Variants in FRMD4A observed in about 807,000 individuals in gnomAD.
The protein encoded by FRMD4A is FERM domain containing 4A, also known as FERM domain-containing protein 4A.
A neutral mutation model predicts 129.1 loss-of-function variants in FRMD4A; 29 were observed. That is an observed-to-expected ratio of 0.22 (90% CI 0.17 to 0.31). The LOEUF (loss-of-function observed/expected upper bound fraction) is 0.31, where lower values mean the gene tolerates loss of function less well. Ranked by LOEUF, FRMD4A falls within the 10% of genes least tolerant of loss-of-function variation. The probability of loss-of-function intolerance (pLI) is 1.00; values close to 1 mark genes in which losing one functional copy is unlikely to be tolerated. For synonymous variants in FRMD4A, 634 were observed against 571.6 expected (o/e 1.11, Z -1.56); for missense variants, 1,272 against 1,375.8 (o/e 0.92, Z 1.19).
intron 2 of FRMD4A, among the ~76,000 whole-genome samples, chr10:14,230,845 C>T (rs1240380534): frequency 1.3e-5 from 2 of 152,170 alleles, no homozygotes; most frequent in Non-Finnish European, 2.9e-5. Flanking sequence ...CATGCTTGTT[C>T]AATGTTTGAC....
At chr10:14,064,251 T>C (rs906269481) in intron 2 of FRMD4A, among the ~76,000 whole-genome samples, 1 of 152,358 alleles carries the variant, frequency 6.6e-6, no homozygotes, top group African/African-American at 2.4e-5. Context: ...TTTATATTGA[T>C]GTTTTCCGTA....
At chr10:14,061,852 A>C (rs1834831100) in intron 2 of FRMD4A, among the ~76,000 whole-genome samples, 1 of 152,214 alleles carries the variant, frequency 6.6e-6, no homozygotes, top group African/African-American at 2.4e-5. Context: ...AGGAGAAAAG[A>C]CTTTATGTTT....
chr10:13,657,270 C>T lies in FRMD4A; in HGVS notation c.2319G>A (p.Glu773=). ...QMNANYSTLA[E]DSPSKARQRQ... is the part of the protein sequence containing the mutation. ...TCTGGCGCGCCTTGGACGGCGAGTCCTCGGCCAGCGTGGAGTAGTTGGCGT... is the reference window on the plus strand; with the variant it reads ...TCTGGCGCGCCTTGGACGGCGAGTCTTCGGCCAGCGTGGAGTAGTTGGCGT... Residue 773 remains glutamate, a synonymous_variant, in exon 22 of 25, where the codon GAG becomes GAA. Transcript: ENST00000357447. 1 of 1,603,268 alleles carries T rather than the reference C, an allele frequency of 6.2e-7. No individual in the cohort carries two copies. Among genetic ancestry groups the T allele is most frequent in the Non-Finnish European group, 8.5e-7 (1 of 1,177,512 alleles).
chr10:14,026,322 C>T (rs746019771), intron 2 of FRMD4A, among the ~76,000 whole-genome samples: 8 of 152,138 alleles, frequency 5.3e-5, no homozygotes, highest in Non-Finnish European at 1.2e-4. Flanking sequence ...CACACTTAAA[C>T]AAAGCTACCA....
At chr10:14,283,811 G>A (rs1039916010) in intron 2 of FRMD4A, among the ~76,000 whole-genome samples, 1 of 152,212 alleles carries the variant, frequency 6.6e-6, no homozygotes, top group African/African-American at 2.4e-5. Flanking sequence ...ACCTCTCTGA[G>A]AATAATAATA....
intron 2 of FRMD4A, among the ~76,000 whole-genome samples, chr10:13,956,706 G>A (rs1397875440): frequency 3.9e-5 from 6 of 152,126 alleles, no homozygotes; most frequent in East Asian, 1.9e-4. Flanking sequence ...TTTTCTGAGC[G>A]GCAGAGAAAA....
chr10:14,095,178 C>T (rs923303361), intron 2 of FRMD4A, among the ~76,000 whole-genome samples: 2 of 152,152 alleles, frequency 1.3e-5, no homozygotes, highest in African/African-American at 4.8e-5. Context: ...CTAAATGAGG[C>T]CGAAATAAAA....
intron 5 of FRMD4A, among the ~76,000 whole-genome samples, chr10:13,788,925 C>T (rs2092930983): frequency 6.6e-6 from 1 of 152,230 alleles, no homozygotes; most frequent in Non-Finnish European, 1.5e-5. Context: ...AGCCAGGTCT[C>T]CTCCTCCATT....
At chr10:13,809,399 T>G (rs1405156128) in intron 4 of FRMD4A, among the ~76,000 whole-genome samples, 1 of 152,206 alleles carries the variant, frequency 6.6e-6, no homozygotes, top group African/African-American at 2.4e-5. Context: ...TCCTTCTGAT[T>G]AGTGAAAATA....
chr10:14,226,998 A>G (rs1242728921), intron 2 of FRMD4A, among the ~76,000 whole-genome samples: 2 of 152,040 alleles, frequency 1.3e-5, no homozygotes, highest in African/African-American at 2.4e-5. Context: ...TCCTTGTCAC[A>G]GTTCCTCAGG....
intron 2 of FRMD4A, among the ~76,000 whole-genome samples, chr10:14,302,425 C>G (rs749670803): frequency 6.6e-6 from 1 of 152,196 alleles, no homozygotes; most frequent in Non-Finnish European, 1.5e-5. Flanking sequence ...TCAAAAATAG[C>G]ATCATGGTTA....
chr10:14,061,716 AAG>A (rs1834823629), intron 2 of FRMD4A, among the ~76,000 whole-genome samples: 1 of 152,152 alleles, frequency 6.6e-6, no homozygotes, highest in Non-Finnish European at 1.5e-5. Flanking sequence ...TTATGATAAA[AAG>A]AGATGCATAG....
intron 9 of FRMD4A, among the ~76,000 whole-genome samples, chr10:13,741,834 C>T (rs2091021921): frequency 6.6e-6 from 1 of 152,140 alleles, no homozygotes; most frequent in South Asian, 2.1e-4. Context: ...GACAGGCGCT[C>T]CCTCCTTTTT....
Position 14,053,126 on chromosome 10 carries a change from G to A in FRMD4A, c.46-194214C>T, listed in dbSNP as rs1054788481. Reference sequence around the variant, plus strand: ...AGCAAACGTTTTGAAGGGTTTCTACGGAGATGGTGGGGCCAGGACCACAAA... The same window carrying A: ...AGCAAACGTTTTGAAGGGTTTCTACAGAGATGGTGGGGCCAGGACCACAAA... On this transcript the variant is annotated intron_variant, in intron 2 of 24. Transcript: ENST00000357447. 5.9e-5 allele frequency among the ~76,000 whole-genome samples: 9 copies of A among 152,270 alleles called. No individual in the cohort carries two copies. The East Asian group carries it at 7.7e-4, about 13-fold the overall frequency.
intron 2 of FRMD4A, among the ~76,000 whole-genome samples, chr10:14,161,181 C>T (rs1416568774): frequency 1.3e-5 from 2 of 152,156 alleles, no homozygotes; most frequent in Non-Finnish European, 2.9e-5. Context: ...GTCTTGAACT[C>T]CTGACCTGAG....
intron 2 of FRMD4A, among the ~76,000 whole-genome samples, chr10:14,151,237 A>G (rs571944335): frequency 6.6e-6 from 1 of 152,360 alleles, no homozygotes; most frequent in African/African-American, 2.4e-5. Context: ...AGTGGTTACA[A>G]TGGCAAAGTC....
At chr10:13,774,143 G>A (rs1394078246) in intron 6 of FRMD4A, among the ~76,000 whole-genome samples, 4 of 152,146 alleles carry the variant, frequency 2.6e-5, no homozygotes, top group Admixed American at 2.6e-4. Flanking sequence ...ACTTCCTCCT[G>A]CTCCACCGGA....
chr10:14,129,407 T>TATATATATAA (rs1554766626), intron 2 of FRMD4A, among the ~76,000 whole-genome samples: 7 of 112,392 alleles, frequency 6.2e-5, no homozygotes, highest in Non-Finnish European at 8.7e-5. Flanking sequence ...TATATATATA[T>TATATATATAA]AAAAAATATG....
At chr10:13,690,163 A>G (rs61514641) in intron 15 of FRMD4A, among the ~76,000 whole-genome samples, 2,441 of 152,320 alleles carry the variant, frequency 0.016, 57 homozygotes, top group African/African-American at 0.055. Flanking sequence ...AGTATTAACA[A>G]TTAGAGCTCT....
Sources: allele counts gnomAD v4.1 joint callset (sites outside exome capture counted in the v4.1 genomes callset), GRCh38; gene constraint gnomAD v4.1.1; transcripts MANE v1.5; gene names NCBI Gene and HGNC (gene_info 2026-07-23, HGNC 2026-07-21).